Variants in SLC44A1 observed in about 807,000 individuals in gnomAD.
SLC44A1 encodes the protein solute carrier family 44 member 1.
SLC44A1 carries 26 observed loss-of-function variants against 79.3 expected under a neutral mutation model. The ratio of observed to expected loss-of-function variants is 0.33; its 90% CI spans 0.24 to 0.46. The LOEUF is 0.46. Among genes scored for constraint, SLC44A1 ranks in the 20% least tolerant of loss-of-function variants. The probability of loss-of-function intolerance (pLI) is 1.00; values close to 1 mark genes in which losing one functional copy is unlikely to be tolerated. For synonymous variants in SLC44A1, 263 were observed against 286.2 expected, an observed-to-expected ratio of 0.92 and a Z score of 0.82; for missense variants, 688 against 798.1, an observed-to-expected ratio of 0.86 and a Z score of 1.66.
chr9:105,278,094 C>T (rs1261541007), intron 1 of SLC44A1, among the ~76,000 whole-genome samples: 2 of 151,758 alleles, frequency 1.3e-5, no homozygotes, highest in Non-Finnish European at 2.9e-5. Flanking sequence ...CAGGGTCTCA[C>T]TCTGTCACCC....
rs560665933 is a variant in SLC44A1 at position 105,385,499 on chromosome 9, G to A, written c.1947G>A (p.Pro649=). The A allele has an allele frequency of 1.7e-5, 26 of 1,571,932 alleles. No individual in the cohort carries two copies. The highest frequency in any genetic ancestry group is 1.7e-4 in the Middle Eastern group (1 of 6,010). Residue 649 remains proline (P), a synonymous_variant, in exon 15 of 16, where the codon CCG becomes CCA. Coordinates refer to ENST00000374720, the MANE Select transcript of SLC44A1 (RefSeq NM_080546.5). ...TCGCTGATTCCAGAGAGCTAAAGCC[G>A]ATGGTAGGTGGAGATGAGGAGGTGG... is the stretch of plus-strand genomic sequence containing the variant. The part of the protein sequence containing the change: ...GGVADSRELK[P]MASGASSA
chr9:105,426,606 T>C (rs1475769209), intron 15 of SLC44A1, among the ~76,000 whole-genome samples: 1 of 152,202 alleles, frequency 6.6e-6, no homozygotes, highest in African/African-American at 2.4e-5. Context: ...AGTAGATGTA[T>C]TTCTTCTCAT....
At chr9:105,353,938 C>A (rs535069508) in intron 5 of SLC44A1, among the ~76,000 whole-genome samples, 5 of 151,478 alleles carry the variant, frequency 3.3e-5, no homozygotes, top group Admixed American at 2.0e-4. Context: ...GAGATGGCAT[C>A]CAGACAACCT....
Position 105,416,748 on chromosome 9 carries a change from A to C in SLC44A1, c.1951-21533A>C, listed in dbSNP as rs373057034. Among the ~76,000 whole-genome samples the C allele has an allele frequency of 6.6e-5, 10 of 152,358 alleles. No homozygotes were observed. The East Asian group carries it at 1.3e-3, about 21-fold the overall frequency. ...GCCACGTCTCACCCACCTGCCAAGAAGGTTAGATTTTATCCTGTAGGTGGT... is the reference window on the plus strand; with the variant it reads ...GCCACGTCTCACCCACCTGCCAAGACGGTTAGATTTTATCCTGTAGGTGGT... On this transcript the variant is annotated intron_variant, in intron 15 of 15. Transcript: ENST00000374724.
intron 3 of SLC44A1, among the ~76,000 whole-genome samples, chr9:105,328,509 C>T (rs1826652058): frequency 6.6e-6 from 1 of 152,174 alleles, no homozygotes; most frequent in South Asian, 2.1e-4. Context: ...GCTTGAGGAA[C>T]AGAAAGGAGA....
At chr9:105,438,362 A>G (rs1829490260) in exon 16 of SLC44A1, 3 of 1,263,644 alleles carry the variant, frequency 2.4e-6, no homozygotes, top group Non-Finnish European at 3.4e-6. Context: ...CCCACTCACC[A>G]GCTGTTGAGA....
At position 105,304,944 on chromosome 9, in the gene SLC44A1, G is replaced by GTTTTTTTTTGTTTTTTTT. The variant is rs1554790127; in HGVS notation, c.127-4771_127-4770insGTTTTTTTTTTTTTTTTT. 1.5e-4 allele frequency among the ~76,000 whole-genome samples: 3 copies of GTTTTTTTTTGTTTTTTTT among 20,078 alleles called. 1 individual carries two copies. The highest frequency in any genetic ancestry group is 1.1e-4 in the Non-Finnish European group (1 of 8,998). 13.2% of individuals were successfully genotyped at this position (20,078 alleles called of 152,430 possible). ...GTAGTTATTCCCTAGACTTTCTATC[G>GTTTTTTTTTGTTTTTTTT]TTTTTTTTTTTTTTTTTTTTTTTTT... On this transcript the variant is annotated intron_variant, in intron 2 of 15. Transcript: ENST00000374720.
chr9:105,264,749 T>G (rs966626982), intron 1 of SLC44A1, among the ~76,000 whole-genome samples: 19 of 152,168 alleles, frequency 1.2e-4, no homozygotes, highest in Non-Finnish European at 2.5e-4. Flanking sequence ...CAGGCCTGCT[T>G]TTTTACAAAG....
chr9:105,414,162 G>A (rs369694722), intron 15 of SLC44A1, among the ~76,000 whole-genome samples: 4 of 151,460 alleles, frequency 2.6e-5, no homozygotes, highest in African/African-American at 2.4e-5. Flanking sequence ...TCCCGGGTTC[G>A]AGCAATTTTC....
At position 105,397,298 on chromosome 9, in the gene SLC44A1, CA is replaced by C. The variant is rs1390923096; in HGVS notation, c.*8245del. On this transcript the variant is annotated 3_prime_UTR_variant, in exon 16 of 16. Coordinates refer to ENST00000374720, the MANE Select transcript of SLC44A1 (RefSeq NM_080546.5). ...TAATGAAAACTGTATTTTAGTCTAA[CA>C]AATGTATAGAATTTTTTATGTAATA... 1 of 979,702 alleles carries C rather than the reference CA, an allele frequency of 1.0e-6. No homozygotes were observed. The highest frequency in any genetic ancestry group is 6.2e-5 in the Admixed American group (1 of 16,256). 60.7% of individuals were successfully genotyped at this position (979,702 alleles called of 1,614,324 possible).
At chr9:105,333,026 T>C (rs946197322) in intron 3 of SLC44A1, among the ~76,000 whole-genome samples, 16 of 152,192 alleles carry the variant, frequency 1.1e-4, no homozygotes, top group African/African-American at 3.9e-4. Flanking sequence ...GAAAGCAAGT[T>C]CACATTGGTC....
intron 1 of SLC44A1, among the ~76,000 whole-genome samples, chr9:105,246,968 AT>A (rs765741494): frequency 1.1e-4 from 16 of 152,008 alleles, no homozygotes; most frequent in African/African-American, 3.4e-4. Context: ...CAAGGGGTGC[AT>A]TTTTTTCCTG....
rs144826737 is a variant in SLC44A1, at chr9:105,374,237, G to A, written c.1495-361G>A. On this transcript the variant is annotated intron_variant, in intron 12 of 15. Transcript: ENST00000374720. ...TCAGCTTTTAAAGCATCACCTAAATGATTACAGTGCACTGCTGATGTTCAC... is the reference window on the plus strand; with the variant it reads ...TCAGCTTTTAAAGCATCACCTAAATAATTACAGTGCACTGCTGATGTTCAC... Among the ~76,000 whole-genome samples, 11 of 152,328 alleles carry A rather than the reference G, an allele frequency of 7.2e-5. No homozygotes were observed. In the East Asian group the frequency reaches 1.7e-3, roughly 24 times the overall value.
chr9:105,397,646 T>C (rs773498766), downstream of SLC44A1, among the ~76,000 whole-genome samples: 2 of 151,888 alleles, frequency 1.3e-5, no homozygotes, highest in Non-Finnish European at 2.9e-5. Context: ...TCAGGCAGAG[T>C]AGAAAAGCCT....
intron 3 of SLC44A1, among the ~76,000 whole-genome samples, chr9:105,325,495 C>A (rs146819627): frequency 1.3e-4 from 20 of 152,244 alleles, no homozygotes; most frequent in African/African-American, 3.6e-4. Flanking sequence ...CTCATGAGAG[C>A]CTTTTGCTGG....
chr9:105,276,955 T>C (rs1830220061), intron 1 of SLC44A1, among the ~76,000 whole-genome samples: 1 of 152,224 alleles, frequency 6.6e-6, no homozygotes, highest in Admixed American at 6.5e-5. Flanking sequence ...AATCACGTTA[T>C]TGAAACTAGT....
At chr9:105,402,597 C>CA (rs1395816708) in intron 15 of SLC44A1, among the ~76,000 whole-genome samples, 2 of 152,020 alleles carry the variant, frequency 1.3e-5, no homozygotes, top group Non-Finnish European at 1.5e-5. Flanking sequence ...TCTGTGCCAG[C>CA]AAAAAATGTT....
chr9:105,395,846 C>G lies in SLC44A1; in HGVS notation c.*6790C>G, dbSNP rs1162883909. 1.0e-6 allele frequency: 1 copy of G among 982,384 alleles called. No homozygotes were observed. The highest frequency in any genetic ancestry group is 1.8e-5 in the African/African-American group (1 of 56,702). 60.9% of individuals were successfully genotyped at this position (982,384 alleles called of 1,614,324 possible). A position where few individuals can be genotyped will look rare whatever the true frequency, so the allele number is the denominator to read the frequency against. On this transcript the variant is annotated 3_prime_UTR_variant, in exon 16 of 16. Transcript: ENST00000374720. ...GTTCCATGGATCATTCTAGTTGCCA[C>G]TAGAAAATGTGAGCTCCTTCTTCAT...
intron 1 of SLC44A1, among the ~76,000 whole-genome samples, chr9:105,294,982 C>G (rs1451905766): frequency 1.3e-5 from 2 of 151,230 alleles, no homozygotes; most frequent in African/African-American, 4.9e-5. Flanking sequence ...GTTTAGTACA[C>G]TGGTGAGCCT....
Sources: gnomAD v4.1 joint callset for allele counts (sites outside exome capture counted in the v4.1 genomes callset) on GRCh38, gnomAD v4.1.1 for gene constraint, MANE v1.5 for transcripts, NCBI Gene and HGNC (gene_info 2026-07-23, HGNC 2026-07-21) for gene names.